Variants in MED13 observed in about 807,000 individuals in gnomAD.
MED13 encodes the protein mediator complex subunit 13.
A neutral mutation model predicts 225.2 loss-of-function variants in MED13; 23 were observed. The observed-to-expected ratio is 0.10, with a 90% confidence interval of 0.07 to 0.14. The LOEUF (loss-of-function observed/expected upper bound fraction) is 0.14, where lower values mean the gene tolerates loss of function less well. MED13 is among the 10% of genes least tolerant of loss of function. MED13 has a pLI of 1.00. For synonymous variants in MED13, 942 were observed against 889.2 expected (o/e 1.06, Z -1.06); for missense variants, 2,197 against 2,594.5 (o/e 0.85, Z 3.33).
Position 62,062,974 on chromosome 17 carries a change from CA to C in MED13, c.301+92del, listed in dbSNP as rs142002980. 9.3e-4 allele frequency: 892 copies of C among 954,380 alleles called. 6 individuals are homozygous for C. In the African/African-American group the frequency reaches 0.012, roughly 13 times the overall value. 59.1% of individuals were successfully genotyped at this position (954,380 alleles called of 1,614,324 possible). A position where few individuals can be genotyped will look rare whatever the true frequency, so the allele number is the denominator to read the frequency against. On this transcript the variant is annotated intron_variant, in intron 2 of 29. Transcript: ENST00000397786. ...TTTATCTGGCCTCCTAAGTCTCCCA[CA>C]AAAACAAACTTAATTTGTAATACAT...
chr17:62,022,499 A>AAAAAAAT, intron 8 of MED13, among the ~76,000 whole-genome samples: 1 of 152,104 alleles, frequency 6.6e-6, no homozygotes, highest in Admixed American at 6.6e-5. Context: ...TAAAAAAGAG[A>AAAAAAAT]GTTATCACTA....
At chr17:61,971,580 C>T (rs1169023426) in intron 17 of MED13, among the ~76,000 whole-genome samples, 1 of 152,008 alleles carries the variant, frequency 6.6e-6, no homozygotes, top group African/African-American at 2.4e-5. Flanking sequence ...AGATTACAGG[C>T]GTGAGCCACC....
intron 8 of MED13, among the ~76,000 whole-genome samples, chr17:62,015,268 G>T (rs768414251): frequency 2.0e-5 from 3 of 152,176 alleles, no homozygotes; most frequent in African/African-American, 4.8e-5. Flanking sequence ...GCCGCATACT[G>T]AAGTACTGCA....
intron 3 of MED13, among the ~76,000 whole-genome samples, chr17:62,038,180 T>C (rs2080822101): frequency 6.6e-6 from 1 of 152,040 alleles, no homozygotes; most frequent in African/African-American, 2.4e-5. Flanking sequence ...GAGTTGGGCT[T>C]GAGCCCAGGG....
intron 20 of MED13, 129 bp from the exon 21 acceptor site, chr17:61,963,100 TGAA>T: frequency 3.0e-6 from 2 of 664,892 alleles, no homozygotes; most frequent in South Asian, 3.7e-5. Context: ...TCTCTAAAAA[TGAA>T]GGACATTTCT....
chr17:61,997,210 G>A (rs2080354353), intron 9 of MED13, among the ~76,000 whole-genome samples: 1 of 152,098 alleles, frequency 6.6e-6, no homozygotes, highest in African/African-American at 2.4e-5. Context: ...GGGCAAAGTA[G>A]GCCATCAAAA....
At chr17:62,049,594 G>C (rs2080936439) in intron 3 of MED13, among the ~76,000 whole-genome samples, 1 of 152,116 alleles carries the variant, frequency 6.6e-6, no homozygotes. Flanking sequence ...GTGAAAAAAA[G>C]GGATAATCAT....
intron 17 of MED13, among the ~76,000 whole-genome samples, chr17:61,972,295 CA>C (rs776614475): frequency 2.0e-4 from 31 of 152,162 alleles, no homozygotes; most frequent in Non-Finnish European, 3.8e-4. Context: ...TCACAACCAG[CA>C]AATTTCTTCT....
rs550173819 is a variant in MED13, at chr17:62,037,232, G to A, written c.471-1624C>T. ...CACACCACTGCATTACAGCATGGGC[G>A]ACAGAGTAAGACTGTCTCAAAAAAC... On this transcript the variant is annotated intron_variant, in intron 3 of 29. Coordinates refer to ENST00000397786, the MANE Select transcript of MED13 (RefSeq NM_005121.3). 7.9e-5 allele frequency among the ~76,000 whole-genome samples: 12 copies of A among 151,972 alleles called. No homozygotes were observed. The South Asian group carries it at 1.2e-3, about 16-fold the overall frequency.
chr17:62,031,560 G>A lies in MED13; in HGVS notation c.893C>T (p.Ser298Phe), dbSNP rs2143678589. 2 of 1,613,882 alleles carry A rather than the reference G, an allele frequency of 1.2e-6. No individual in the cohort carries two copies. The highest frequency in any genetic ancestry group is 1.7e-6 in the Non-Finnish European group (2 of 1,179,932). Reference sequence around the variant, plus strand: ...CAAGCAAGAAGATGAACAGTGAGTGGATCCCACAGGGCTAGGAGTAGGAAT... The same window carrying A: ...CAAGCAAGAAGATGAACAGTGAGTGAATCCCACAGGGCTAGGAGTAGGAAT... ...SDIPTPSPVG[S>F]THCSSSCLGV... The change falls in exon 6 of 30, where the codon TCC becomes TTC. Residue 298 changes from serine to phenylalanine, a missense_variant. Physicochemically the swap from Ser to Phe is radical, Grantham distance 155. This residue lies in a region of MED13 where 884 missense variants were observed against 918.5 expected (regional missense o/e 0.96). Transcript: ENST00000397786.
At position 62,031,576 on chromosome 17, in the gene MED13, G is replaced by C. The variant is rs2080757270; in HGVS notation, c.877C>G (p.Pro293Ala). The change falls in exon 6 of 30, where the codon CCT (proline) becomes GCT (alanine). Residue 293 changes from proline to alanine, a missense_variant. Around this residue, in one of 12 missense-constraint regions of MED13, gnomAD observed 884 missense variants for 918.5 expected, o/e 0.96. Transcript: ENST00000397786. ...CAGTGAGTGGATCCCACAGGGCTAG[G>C]AGTAGGAATGTCTGACTGAGGGACT... The part of the protein sequence containing the change: ...VLVPQSDIPT[P>A]SPVGSTHCSS... 6.2e-7 allele frequency: 1 copy of C among 1,613,500 alleles called. No individual in the cohort carries two copies. The highest frequency in any genetic ancestry group is 1.3e-5 in the African/African-American group (1 of 74,884).
chr17:61,959,177 T>G (rs1431946079), intron 23 of MED13, among the ~76,000 whole-genome samples: 1 of 151,984 alleles, frequency 6.6e-6, no homozygotes, highest in Non-Finnish European at 1.5e-5. Context: ...CTAATTTTTT[T>G]GTATTTTTAG....
In MED13 at chr17:61,965,572, G is replaced by C. The variant is rs552837004; in HGVS notation, c.4382-104C>G. 1.2e-4 allele frequency: 147 copies of C among 1,181,998 alleles called. No individual in the cohort carries two copies. In the African/African-American group the frequency reaches 1.9e-3, roughly 15 times the overall value. 73.2% of individuals were successfully genotyped at this position (1,181,998 alleles called of 1,614,324 possible). ...ATCATAATCCAGTTGATGTTTTCTT[G>C]GTAATTATAGCCCCGAAATTGCTTG... On this transcript the variant is annotated intron_variant, in intron 19 of 29. Coordinates refer to ENST00000397786, the MANE Select transcript of MED13 (RefSeq NM_005121.3).
At position 61,950,816 on chromosome 17, in the gene MED13, T is replaced by C. The variant is rs2079890522; in HGVS notation, c.6291+9A>G. 3.1e-6 allele frequency: 5 copies of C among 1,603,996 alleles called. No individual in the cohort carries two copies. Among genetic ancestry groups the C allele is most frequent in the African/African-American group, 1.3e-5 (1 of 74,478 alleles). On this transcript the variant is annotated intron_variant, in intron 28 of 29. Coordinates refer to ENST00000397786, the MANE Select transcript of MED13 (RefSeq NM_005121.3). The stretch of plus-strand genomic sequence containing the variant: ...AATTATTTAGGAACTGGGACAGAAA[T>C]GGCAATACCTTAAGAAAAAGGGGAC...
chr17:62,011,126 T>C lies in MED13; in HGVS notation c.1391A>G (p.Lys464Arg). 1 of 1,614,254 alleles carries C rather than the reference T, an allele frequency of 6.2e-7. No individual in the cohort carries two copies. Among genetic ancestry groups the C allele is most frequent in the Non-Finnish European group, 8.5e-7 (1 of 1,180,048 alleles). The change falls in exon 9 of 30, where the codon AAG (lysine) becomes AGG (arginine). Residue 464 changes from lysine to arginine, a missense_variant. Around this residue, in one of 12 missense-constraint regions of MED13, gnomAD observed 884 missense variants for 918.5 expected, o/e 0.96. Transcript: ENST00000397786. ...PKHKTNEKQE[K>R]SEKPQKRPLT... The stretch of plus-strand genomic sequence containing the variant: ...GGGGCGTTTCTGTGGCTTTTCACTC[T>C]TTTCTTGCTTCTCATTGGTCTTGTG...
At position 61,968,387 on chromosome 17, in the gene MED13, G is replaced by A. The variant is rs905771735; in HGVS notation, c.3968-129C>T. 1.5e-5 allele frequency: 9 copies of A among 617,144 alleles called. No individual in the cohort carries two copies. In the South Asian group the frequency reaches 1.7e-4, roughly 12 times the overall value. The allele number at this position is 617,144 out of a possible 1,614,324, so 38.2% of individuals were successfully genotyped here. On this transcript the variant is annotated intron_variant, in intron 17 of 29. Coordinates refer to ENST00000397786, the MANE Select transcript of MED13 (RefSeq NM_005121.3). ...GTCGCCCAGACTGGAGTGCAGTGGCGCCATCTCGGCTCACTGCAAGCTCCG... is the reference window on the plus strand; with the variant it reads ...GTCGCCCAGACTGGAGTGCAGTGGCACCATCTCGGCTCACTGCAAGCTCCG...
At chr17:61,979,645 C>T (rs1002434097) in intron 16 of MED13, among the ~76,000 whole-genome samples, 1 of 152,090 alleles carries the variant, frequency 6.6e-6, no homozygotes, top group Non-Finnish European at 1.5e-5. Context: ...TCCCAATGCA[C>T]CTTTAATAAA....
chr17:61,981,370 T>C (rs905225036), intron 16 of MED13, among the ~76,000 whole-genome samples: 6 of 152,138 alleles, frequency 3.9e-5, no homozygotes, highest in Admixed American at 1.3e-4. Context: ...TTACTTTCCT[T>C]GTCAAAACTG....
At chr17:61,985,351 C>G (rs2080238639) in intron 12 of MED13, among the ~76,000 whole-genome samples, 1 of 152,044 alleles carries the variant, frequency 6.6e-6, no homozygotes, top group Non-Finnish European at 1.5e-5. Flanking sequence ...TCAAAATACA[C>G]AGAAGTAAGG....
Sources: gnomAD v4.1 joint callset for allele counts (sites outside exome capture counted in the v4.1 genomes callset) on GRCh38, gnomAD v4.1.1 for gene constraint, gnomAD v4.1.1 regional missense constraint, MANE v1.5 for transcripts, NCBI Gene and HGNC (gene_info 2026-07-23, HGNC 2026-07-21) for gene names.